MAP2K4: variants seen among roughly 807,000 people sequenced by gnomAD.
MAP2K4 encodes dual specificity mitogen-activated protein kinase kinase 4.
A neutral mutation model predicts 48.5 loss-of-function variants in MAP2K4; 4 were observed. The ratio of observed to expected loss-of-function variants is 0.08; its 90% CI spans 0.04 to 0.19. The LOEUF (loss-of-function observed/expected upper bound fraction) is 0.19. Among genes scored for constraint, MAP2K4 ranks in the 10% least tolerant of loss-of-function variants. The pLI is 1.00. For missense variants in MAP2K4, 258 were observed against 493.3 expected, an observed-to-expected ratio of 0.52 and a Z score of 4.52; for synonymous variants, 166 against 173.1, an observed-to-expected ratio of 0.96 and a Z score of 0.32.
chr17:12,077,241 A>G (rs1439654864), intron 2 of MAP2K4, among the ~76,000 whole-genome samples: 1 of 152,216 alleles, frequency 6.6e-6, no homozygotes, highest in Non-Finnish European at 1.5e-5. Context: ...GGAGACAGTT[A>G]GCATCATTGG....
intron 9 of MAP2K4, among the ~76,000 whole-genome samples, chr17:12,134,292 G>A (rs557028870): frequency 6.6e-6 from 1 of 152,028 alleles, no homozygotes; most frequent in African/African-American, 2.4e-5. Flanking sequence ...TCGGAGAATT[G>A]TACCTAAGAA....
chr17:12,143,453 T>A lies in MAP2K4; in HGVS notation c.*2193T>A. The A allele has an allele frequency of 4.3e-6, 1 of 232,640 alleles. No homozygotes were observed. The highest frequency in any genetic ancestry group is 6.1e-5 in the East Asian group (1 of 16,366). The allele number at this position is 232,640 out of a possible 1,614,324, so 14.4% of individuals were successfully genotyped here. The stretch of plus-strand genomic sequence containing the variant: ...GTGTTCACAAACTGTGAAAATAGTG[T>A]AAGAACTGTACATTGTGAGCTCTGG... On this transcript the variant is annotated 3_prime_UTR_variant, in exon 11 of 11. Transcript: ENST00000353533.
Position 12,142,331 on chromosome 17 carries a change from C to G in MAP2K4, c.*1071C>G, listed in dbSNP as rs1341925536. ...CCAAATCTCAGTTGTTTGCTTCTTG[C>G]CATCACTGGTCCAGGTCTTCAGTTT... On this transcript the variant is annotated 3_prime_UTR_variant, in exon 11 of 11. Coordinates refer to ENST00000353533, the MANE Select transcript of MAP2K4 (RefSeq NM_003010.4). 1 of 233,254 alleles carries G rather than the reference C, an allele frequency of 4.3e-6. No homozygotes were observed. Among genetic ancestry groups the G allele is most frequent in the African/African-American group, 2.2e-5 (1 of 45,316 alleles). 14.4% of individuals were successfully genotyped at this position (233,254 alleles called of 1,614,324 possible). A position where few individuals can be genotyped will look rare whatever the true frequency, so the allele number is the denominator to read the frequency against.
chr17:12,090,200 A>G (rs767747291), intron 3 of MAP2K4, among the ~76,000 whole-genome samples: 4 of 152,156 alleles, frequency 2.6e-5, no homozygotes, highest in Non-Finnish European at 5.9e-5. Flanking sequence ...GTGCCTCTTC[A>G]CATACATTGT....
intron 9 of MAP2K4, among the ~76,000 whole-genome samples, chr17:12,135,688 T>C (rs1365505826): frequency 6.6e-6 from 1 of 152,180 alleles, no homozygotes; most frequent in Admixed American, 6.5e-5. Flanking sequence ...TAGCTGGGAC[T>C]ACAGGCACGC....
intron 5 of MAP2K4, 117 bp downstream of exon 5, chr17:12,108,026 A>T (rs1972179601): frequency 6.3e-6 from 6 of 950,380 alleles, no homozygotes; most frequent in Non-Finnish European, 9.0e-6. Flanking sequence ...AATAATTCAT[A>T]GTTAATAACC....
intron 2 of MAP2K4, among the ~76,000 whole-genome samples, chr17:12,076,825 C>A (rs1274820985): frequency 2.6e-5 from 4 of 151,248 alleles, no homozygotes; most frequent in African/African-American, 9.7e-5. Context: ...ATCAGGGACA[C>A]CAGAGTTACG....
intron 1 of MAP2K4, among the ~76,000 whole-genome samples, chr17:12,053,143 A>G (rs532304496): frequency 6.6e-6 from 1 of 152,230 alleles, no homozygotes; most frequent in South Asian, 2.1e-4. Flanking sequence ...TTCTAAAGAA[A>G]AATTCTCAAG....
At chr17:12,122,980 T>A (rs1462357307) in intron 7 of MAP2K4, among the ~76,000 whole-genome samples, 1 of 152,240 alleles carries the variant, frequency 6.6e-6, no homozygotes, top group African/African-American at 2.4e-5. Flanking sequence ...AGATAAACTC[T>A]ACTTGGTCAT....
chr17:12,051,834 T>C (rs1284437986), intron 1 of MAP2K4, among the ~76,000 whole-genome samples: 3 of 151,896 alleles, frequency 2.0e-5, no homozygotes, highest in African/African-American at 7.3e-5. Flanking sequence ...GAGGGACCCT[T>C]GAAAAAGAAG....
intron 1 of MAP2K4, among the ~76,000 whole-genome samples, chr17:12,030,023 G>C (rs1392556664): frequency 1.3e-5 from 2 of 152,072 alleles, no homozygotes; most frequent in African/African-American, 4.8e-5. Flanking sequence ...GATATTGGAA[G>C]TTTTCCTCAT....
At chr17:12,049,338 T>G (rs1342205627) in intron 1 of MAP2K4, among the ~76,000 whole-genome samples, 3 of 152,188 alleles carry the variant, frequency 2.0e-5, no homozygotes, top group Admixed American at 6.5e-5. Flanking sequence ...AGGTTTCTCT[T>G]TATTGTGTGG....
intron 1 of MAP2K4, among the ~76,000 whole-genome samples, chr17:12,030,475 C>G (rs1490153599): frequency 1.1e-4 from 17 of 152,148 alleles, no homozygotes. Context: ...TCCTTTGTAG[C>G]TACTTATATA....
chr17:12,127,830 G>A (rs10445268), intron 8 of MAP2K4, among the ~76,000 whole-genome samples: 33,167 of 152,142 alleles, frequency 0.22, 4,034 homozygotes, highest in Middle Eastern at 0.31. Flanking sequence ...ATGCATGCCT[G>A]CTTACTTTTG....
chr17:12,051,321 T>G (rs1445761587), intron 1 of MAP2K4, among the ~76,000 whole-genome samples: 1 of 152,184 alleles, frequency 6.6e-6, no homozygotes, highest in African/African-American at 2.4e-5. Context: ...CCAATAACCA[T>G]ATAGGCTTAA....
intron 2 of MAP2K4, among the ~76,000 whole-genome samples, chr17:12,073,549 AATCC>A (rs1354169913): frequency 5.3e-5 from 8 of 152,230 alleles, no homozygotes; most frequent in African/African-American, 1.9e-4. Context: ...GTAATGGGCA[AATCC>A]GTATCAGACA....
intron 1 of MAP2K4, among the ~76,000 whole-genome samples, chr17:12,052,044 T>C (rs1970157999): frequency 6.6e-6 from 1 of 152,184 alleles, no homozygotes; most frequent in Non-Finnish European, 1.5e-5. Flanking sequence ...GGCCTTCCTT[T>C]TCCTCCTCAA....
intron 10 of MAP2K4, among the ~76,000 whole-genome samples, chr17:12,140,778 G>C (rs1279134984): frequency 6.6e-6 from 1 of 152,176 alleles, no homozygotes; most frequent in Non-Finnish European, 1.5e-5. Context: ...ATAGTGACTG[G>C]CATTTGCGTC....
At chr17:12,125,980 G>T (rs949434096) in intron 8 of MAP2K4, among the ~76,000 whole-genome samples, 1 of 152,036 alleles carries the variant, frequency 6.6e-6, no homozygotes, top group Non-Finnish European at 1.5e-5. Flanking sequence ...TCCACAGGTC[G>T]TACAGGAGCA....
Sources: allele counts gnomAD v4.1 joint callset (sites outside exome capture counted in the v4.1 genomes callset), GRCh38; gene constraint gnomAD v4.1.1; transcripts MANE v1.5; gene names NCBI Gene and HGNC (gene_info 2026-07-23, HGNC 2026-07-21).